Variants in GRID2 observed in about 807,000 individuals in gnomAD.
GRID2 encodes the protein glutamate receptor ionotropic, delta-2.
In GRID2, 33 loss-of-function variants were observed where a neutral mutation model predicts 114.8. The observed-to-expected ratio is 0.29, with a 90% CI of 0.22 to 0.38. The LOEUF (loss-of-function observed/expected upper bound fraction) is 0.38. Among genes scored for constraint, GRID2 ranks in the 10% least tolerant of loss-of-function variants. The pLI is 1.00. For missense variants in GRID2, 1,184 were observed against 1,257.7 expected, an observed-to-expected ratio of 0.94 and a Z score of 0.89; for synonymous variants, 505 against 449.9, an observed-to-expected ratio of 1.12 and a Z score of -1.55.
chr4:93,733,890 A>G (rs1415270447), intron 14 of GRID2, among the ~76,000 whole-genome samples: 1 of 152,122 alleles, frequency 6.6e-6, no homozygotes, highest in Non-Finnish European at 1.5e-5. Flanking sequence ...CAGGCCACAG[A>G]GCAAGCAGCA....
intron 2 of GRID2, among the ~76,000 whole-genome samples, chr4:92,747,878 C>T (rs1232076995): frequency 6.6e-6 from 1 of 152,154 alleles, no homozygotes; most frequent in Non-Finnish European, 1.5e-5. Flanking sequence ...CATACATGGA[C>T]TCCTGAGACA....
At position 93,772,318 on chromosome 4, in the gene GRID2, T is replaced by A; in HGVS notation, c.2844T>A (p.Ala948=). Residue 948 remains alanine, a synonymous_variant, in exon 16 of 16, where the codon GCT becomes GCA. Coordinates refer to ENST00000282020, the MANE Select transcript of GRID2 (RefSeq NM_001510.4). ...TTAGCCGCACACTGTCAGCTAAAGC[T>A]GCTTCTGGTTTCACTTTTGGCAACG... ...QTLSRTLSAK[A]ASGFTFGNVP... The A allele has an allele frequency of 6.2e-7, 1 of 1,614,170 alleles. No individual in the cohort carries two copies. The highest frequency in any genetic ancestry group is 8.5e-7 in the Non-Finnish European group (1 of 1,180,016).
intron 1 of GRID2, among the ~76,000 whole-genome samples, chr4:92,401,953 T>C (rs1448866660): frequency 2.6e-5 from 4 of 152,224 alleles, no homozygotes; most frequent in African/African-American, 9.6e-5. Flanking sequence ...GAGTTTATTC[T>C]CTCACTGTGC....
At chr4:93,806,326 G>A (rs998854182) in intron 1 of GRID2, among the ~76,000 whole-genome samples, 1 of 152,146 alleles carries the variant, frequency 6.6e-6, no homozygotes, top group East Asian at 1.9e-4. Flanking sequence ...ACTGTATATC[G>A]ACACCAACTT....
At chr4:93,331,284 T>C (rs1355257248) in intron 8 of GRID2, among the ~76,000 whole-genome samples, 2 of 149,178 alleles carry the variant, frequency 1.3e-5, no homozygotes, top group African/African-American at 4.9e-5. Flanking sequence ...TTCTCTCTGC[T>C]TGGGAGTTAT....
intron 1 of GRID2, among the ~76,000 whole-genome samples, chr4:92,434,019 C>A (rs1032864918): frequency 5.3e-5 from 8 of 152,130 alleles, no homozygotes; most frequent in Non-Finnish European, 1.0e-4. Context: ...TCTATAAACC[C>A]ACGTCAAAAT....
intron 2 of GRID2, among the ~76,000 whole-genome samples, chr4:92,775,918 A>G (rs957321574): frequency 6.6e-6 from 1 of 152,176 alleles, no homozygotes; most frequent in Non-Finnish European, 1.5e-5. Flanking sequence ...GTCATTGCAC[A>G]TACAGTTAAT....
chr4:93,071,819 T>A (rs1728833043), intron 2 of GRID2, among the ~76,000 whole-genome samples: 1 of 152,132 alleles, frequency 6.6e-6, no homozygotes, highest in Non-Finnish European at 1.5e-5. Flanking sequence ...TTATGTAGTG[T>A]GTGTGCCTGA....
intron 1 of GRID2, among the ~76,000 whole-genome samples, chr4:92,548,563 T>C (rs755295350): frequency 6.6e-5 from 10 of 151,444 alleles, no homozygotes; most frequent in Non-Finnish European, 1.3e-4. Flanking sequence ...CTGGCTAATT[T>C]TTGTGTTTTT....
intron 2 of GRID2, among the ~76,000 whole-genome samples, chr4:92,643,489 A>G (rs1731460255): frequency 6.6e-6 from 1 of 151,890 alleles, no homozygotes; most frequent in African/African-American, 2.4e-5. Context: ...GAAAGTTTTC[A>G]GAATATAAAA....
intron 6 of GRID2, among the ~76,000 whole-genome samples, chr4:93,219,550 A>G (rs1461634353): frequency 1.3e-5 from 2 of 152,180 alleles, no homozygotes; most frequent in Non-Finnish European, 2.9e-5. Flanking sequence ...TTTGATCTCT[A>G]GACTGTTACC....
At chr4:93,493,832 A>T (rs1727267763) in intron 12 of GRID2, among the ~76,000 whole-genome samples, 1 of 151,940 alleles carries the variant, frequency 6.6e-6, no homozygotes, top group East Asian at 2.0e-4. Context: ...GTAACTTTGC[A>T]TTCATTTTTT....
chr4:93,803,832 C>G (rs1734981736), intron 1 of GRID2, among the ~76,000 whole-genome samples: 2 of 152,122 alleles, frequency 1.3e-5, no homozygotes, highest in Non-Finnish European at 2.9e-5. Flanking sequence ...AGCATTTATG[C>G]CACTGCAAAG....
chr4:92,345,272 C>T (rs1727707436), intron 1 of GRID2, among the ~76,000 whole-genome samples: 1 of 152,206 alleles, frequency 6.6e-6, no homozygotes, highest in Admixed American at 6.5e-5. Context: ...ATCCAAGTTG[C>T]TACAAAAGAA....
chr4:93,465,701 A>G (rs1278553171), intron 11 of GRID2, among the ~76,000 whole-genome samples: 2 of 152,196 alleles, frequency 1.3e-5, no homozygotes, highest in Non-Finnish European at 1.5e-5. Flanking sequence ...TAATCCTTCA[A>G]TATTCATCAT....
intron 1 of GRID2, among the ~76,000 whole-genome samples, chr4:93,782,598 CAG>C (rs1308981640): frequency 2.6e-5 from 4 of 152,090 alleles, no homozygotes; most frequent in Non-Finnish European, 5.9e-5. Context: ...TTTTACCAAG[CAG>C]ATGCCATTAG....
intron 2 of GRID2, among the ~76,000 whole-genome samples, chr4:92,969,256 A>G (rs1358496000): frequency 6.6e-6 from 1 of 151,624 alleles, no homozygotes; most frequent in Non-Finnish European, 1.5e-5. Context: ...AAGTCACCAT[A>G]AGATTAAAGT....
At chr4:92,676,849 T>A (rs1321523774) in intron 2 of GRID2, among the ~76,000 whole-genome samples, 2 of 152,068 alleles carry the variant, frequency 1.3e-5, no homozygotes, top group Non-Finnish European at 2.9e-5. Context: ...CTATTCTCAA[T>A]AACCAAAAGG....
At chr4:92,818,284 G>T (rs1741037130) in intron 2 of GRID2, among the ~76,000 whole-genome samples, 2 of 152,076 alleles carry the variant, frequency 1.3e-5, no homozygotes, top group Non-Finnish European at 2.9e-5. Flanking sequence ...ATGAATGAAT[G>T]AATAATACAG....
Sources: allele counts gnomAD v4.1 joint callset (sites outside exome capture counted in the v4.1 genomes callset), GRCh38; gene constraint gnomAD v4.1.1; transcripts MANE v1.5; gene names NCBI Gene and HGNC (gene_info 2026-07-23, HGNC 2026-07-21).